The following NPAT variants were observed in gnomAD, a reference collection of about 807,000 sequenced individuals.
NPAT encodes protein NPAT.
In NPAT, 52 loss-of-function variants were observed where a neutral mutation model predicts 130.7. The observed-to-expected ratio is 0.40, with a 90% CI of 0.32 to 0.50. NPAT has a LOEUF of 0.50. Among genes scored for constraint, NPAT ranks in the 20% least tolerant of loss-of-function variants. The pLI, the probability that NPAT is intolerant of heterozygous loss-of-function variation, is 0.68. For missense variants in NPAT, 1,687 were observed against 1,662.6 expected, an observed-to-expected ratio of 1.01 and a Z score of -0.26; for synonymous variants, 580 against 584.8, an observed-to-expected ratio of 0.99 and a Z score of 0.12.
At chr11:108,195,808 C>T (rs2078213998) in intron 2 of NPAT, among the ~76,000 whole-genome samples, 2 of 152,052 alleles carry the variant, frequency 1.3e-5, no homozygotes, top group Non-Finnish European at 2.9e-5. Flanking sequence ...AAATTGTTTT[C>T]TAGAGATGAG....
At chr11:108,221,289 A>G (rs2078490791) in intron 1 of NPAT, among the ~76,000 whole-genome samples, 1 of 152,172 alleles carries the variant, frequency 6.6e-6, no homozygotes, top group Admixed American at 6.5e-5. Context: ...AGCTCCCCAC[A>G]ATAAAGAATT....
rs1356743433 is a variant in NPAT, at chr11:108,160,896, T to C, written c.4190A>G (p.Lys1397Arg). ...KNLTNSSIPM[K>R]KKKIKKKKLP... The stretch of plus-strand genomic sequence containing the variant: ...CAAACTTGCCTTAATTTTCTTCTTT[T>C]TCATTGGTATTGATGAATTTGTAAG... The change falls in exon 17 of 18, where the codon AAA (lysine) becomes AGA (arginine). Residue 1397 changes from lysine (K) to arginine (R), a missense_variant. Coordinates refer to ENST00000278612, the MANE Select transcript of NPAT (RefSeq NM_002519.3). The C allele has an allele frequency of 1.2e-6, 2 of 1,613,544 alleles. No homozygotes were observed. The highest frequency in any genetic ancestry group is 1.7e-6 in the Non-Finnish European group (2 of 1,179,858).
At position 108,173,697 on chromosome 11, in the gene NPAT, T is replaced by C. The variant is rs1172224858; in HGVS notation, c.1287A>G (p.Lys429=). The part of the protein sequence containing the change: ...ISTSIQKKAF[K]TAVPTEQKCD... ...ACTTCTGTTCAGTGGGTACAGCTGT[T>C]TTAAAGGCCTTTTTCTGTATGCTGG... The change falls in exon 13 of 18, where the codon AAA becomes AAG. Residue 429 remains lysine (K), a synonymous_variant. Transcript: ENST00000278612. 2 of 1,614,174 alleles carry C rather than the reference T, an allele frequency of 1.2e-6. No individual in the cohort carries two copies. The highest frequency in any genetic ancestry group is 8.5e-7 in the Non-Finnish European group (1 of 1,180,036).
Position 108,189,114 on chromosome 11 carries a change from G to A in NPAT, c.548C>T (p.Thr183Ile). The change falls in exon 6 of 18, where the codon ACT becomes ATT. Residue 183 changes from threonine (T) to isoleucine (I), a missense_variant. This residue lies in a region of NPAT where 307 missense variants were observed against 298.9 expected (regional missense o/e 1.03). Transcript: ENST00000278612. ...ACAAAATGTAAACTTACTGGTTACA[G>A]TATCTTGTGACTGTGAGTGGTTGAC... ...VVVNHSQSQDTVTTGEALNVI... is the reference protein window; with the variant it reads ...VVVNHSQSQDIVTTGEALNVI... 3 of 1,613,002 alleles carry A rather than the reference G, an allele frequency of 1.9e-6. No individual in the cohort carries two copies. Among genetic ancestry groups the A allele is most frequent in the Non-Finnish European group, 2.5e-6 (3 of 1,179,074 alleles).
At chr11:108,163,653 T>C (rs1490956929) in intron 15 of NPAT, among the ~76,000 whole-genome samples, 1 of 152,126 alleles carries the variant, frequency 6.6e-6, no homozygotes, top group East Asian at 1.9e-4. Context: ...GTGAGAAATA[T>C]GTAGTTTGAA....
At chr11:108,199,528 T>C (rs2078255209) in intron 1 of NPAT, among the ~76,000 whole-genome samples, 1 of 152,188 alleles carries the variant, frequency 6.6e-6, no homozygotes, top group Non-Finnish European at 1.5e-5. Context: ...AGTGGACCTC[T>C]TACACTTTCA....
At chr11:108,200,467 C>T (rs1298668739) in intron 1 of NPAT, among the ~76,000 whole-genome samples, 1 of 152,144 alleles carries the variant, frequency 6.6e-6, no homozygotes, top group African/African-American at 2.4e-5. Flanking sequence ...GGCTCCAGGA[C>T]AGACTCTTTG....
At chr11:108,221,090 T>C (rs1027554103) in intron 1 of NPAT, among the ~76,000 whole-genome samples, 7 of 152,244 alleles carry the variant, frequency 4.6e-5, no homozygotes, top group African/African-American at 1.7e-4. Context: ...TAGAAAATGA[T>C]ACTGCTTTCT....
intron 10 of NPAT, among the ~76,000 whole-genome samples, chr11:108,184,598 C>T (rs1453485074): frequency 1.3e-5 from 2 of 151,882 alleles, no homozygotes; most frequent in Non-Finnish European, 2.9e-5. Flanking sequence ...TGGTGCGATC[C>T]CCGCTTACTG....
intron 1 of NPAT, among the ~76,000 whole-genome samples, chr11:108,219,844 A>C (rs1210688486): frequency 6.6e-6 from 1 of 152,246 alleles, no homozygotes; most frequent in East Asian, 1.9e-4. Flanking sequence ...AAGTAAACAC[A>C]CATCTACAAT....
chr11:108,218,364 T>C (rs1288948038), intron 1 of NPAT, among the ~76,000 whole-genome samples: 1 of 152,122 alleles, frequency 6.6e-6, no homozygotes, highest in Non-Finnish European at 1.5e-5. Context: ...GAGGGAAAGA[T>C]AAAAAGAGAG....
intron 12 of NPAT, among the ~76,000 whole-genome samples, chr11:108,175,927 T>G (rs1345751270): frequency 6.6e-6 from 1 of 152,196 alleles, no homozygotes. Context: ...CCCAAAGTGC[T>G]GGGAGCATCG....
At position 108,201,545 on chromosome 11, in the gene NPAT, C is replaced by T. The variant is rs114487629; in HGVS notation, c.38-4125G>A. ...TTCCAACTCAGGCCCAAGGTCCAGC[C>T]CAGAAACCTGTAGGTTACCTAAGCA... On this transcript the variant is annotated intron_variant, in intron 1 of 17. Transcript: ENST00000278612. Among the ~76,000 whole-genome samples, 1,328 of 152,268 alleles carry T rather than the reference C, an allele frequency of 8.7e-3. 23 individuals are homozygous for T. Among genetic ancestry groups the T allele is most frequent in the African/African-American group, 0.03 (1,253 of 41,544 alleles).
chr11:108,174,860 C>T (rs1160501395), intron 12 of NPAT, among the ~76,000 whole-genome samples: 1 of 152,008 alleles, frequency 6.6e-6, no homozygotes, highest in East Asian at 1.9e-4. Context: ...CTCAAGTAAT[C>T]TGCCCTCCCT....
chr11:108,181,581 T>G (rs375432301), intron 10 of NPAT, among the ~76,000 whole-genome samples: 4 of 152,222 alleles, frequency 2.6e-5, no homozygotes, highest in South Asian at 2.1e-4. Context: ...ATATATTTTA[T>G]TTTTACAATT....
At chr11:108,194,693 C>G (rs1220319218) in intron 2 of NPAT, among the ~76,000 whole-genome samples, 3 of 152,220 alleles carry the variant, frequency 2.0e-5, no homozygotes, top group East Asian at 1.9e-4. Flanking sequence ...CTCTGTCACA[C>G]AGGCTGGAGT....
chr11:108,222,411 T>C, intron 1 of NPAT, 89 bp downstream of exon 1: 1 of 1,411,802 alleles, frequency 7.1e-7, no homozygotes, highest in Non-Finnish European at 9.9e-7. Context: ...CCCCAAAGCT[T>C]CCCTACCAAG....
chr11:108,169,703 T>C (rs751646433), intron 15 of NPAT, 41 bp downstream of exon 15: 5 of 1,368,930 alleles, frequency 3.7e-6, no homozygotes, highest in Admixed American at 1.7e-5. Flanking sequence ...CAAATGAACA[T>C]ACAAACATAA....
chr11:108,169,139 G>C (rs1336014061), intron 15 of NPAT, among the ~76,000 whole-genome samples: 2 of 152,194 alleles, frequency 1.3e-5, no homozygotes, highest in African/African-American at 2.4e-5. Flanking sequence ...CTTGAACTAA[G>C]AAGGAGAGGA....
Sources: gnomAD v4.1 joint callset for allele counts (sites outside exome capture counted in the v4.1 genomes callset) on GRCh38, gnomAD v4.1.1 for gene constraint, gnomAD v4.1.1 regional missense constraint, MANE v1.5 for transcripts, NCBI Gene and HGNC (gene_info 2026-07-23, HGNC 2026-07-21) for gene names.